MSI2: variants seen among roughly 807,000 people sequenced by gnomAD.
MSI2 encodes the protein musashi RNA binding protein 2.
MSI2 carries 17 observed loss-of-function variants against 45.6 expected under a neutral mutation model. That is an observed-to-expected ratio of 0.37 (90% confidence interval 0.26 to 0.56). The LOEUF is 0.56. MSI2 is among the 20% of genes least tolerant of loss of function. The pLI is 0.77. For synonymous variants in MSI2, 156 were observed against 158.2 expected, an observed-to-expected ratio of 0.99 and a Z score of 0.11; for missense variants, 293 against 444.2, an observed-to-expected ratio of 0.66 and a Z score of 3.06.
rs971927189 is a variant in MSI2, at chr17:57,679,911, T to C, written c.*394T>C. ...TTAATATCTAGTTCAAAGCTAACCA[T>C]AGTATAATTGTTATATTAAGGAGTT... On this transcript the variant is annotated 3_prime_UTR_variant, in exon 14 of 14. Coordinates refer to ENST00000284073, the MANE Select transcript of MSI2 (RefSeq NM_138962.4). 1.7e-5 allele frequency: 4 copies of C among 229,974 alleles called. No individual in the cohort carries two copies. The highest frequency in any genetic ancestry group is 3.4e-5 in the Non-Finnish European group (4 of 116,132). The allele number at this position is 229,974 out of a possible 1,614,324, so 14.2% of individuals were successfully genotyped here.
intron 5 of MSI2, among the ~76,000 whole-genome samples, chr17:57,287,400 A>G (rs1279874254): frequency 6.6e-6 from 1 of 152,084 alleles, no homozygotes; most frequent in Non-Finnish European, 1.5e-5. Flanking sequence ...GCCTCAAGGA[A>G]GGGGTCCTGT....
chr17:57,476,167 T>C (rs1001381040), intron 6 of MSI2, among the ~76,000 whole-genome samples: 4 of 152,224 alleles, frequency 2.6e-5, no homozygotes, highest in African/African-American at 9.7e-5. Flanking sequence ...ACTCACAACA[T>C]ATAGGGCTAT....
chr17:57,439,453 G>A (rs12947910), intron 6 of MSI2, among the ~76,000 whole-genome samples: 31,981 of 152,144 alleles, frequency 0.21, 3,801 homozygotes, highest in South Asian at 0.3. Flanking sequence ...GTCAACCCAA[G>A]CCTTCATCAA....
chr17:57,516,743 C>T (rs907913133), intron 6 of MSI2, among the ~76,000 whole-genome samples: 39 of 152,200 alleles, frequency 2.6e-4, no homozygotes, highest in African/African-American at 9.2e-4. Flanking sequence ...TCACGTGTTC[C>T]TTTTACACAC....
chr17:57,638,746 T>A (rs1598481555), intron 10 of MSI2, among the ~76,000 whole-genome samples: 1 of 116,676 alleles, frequency 8.6e-6, no homozygotes, highest in East Asian at 2.0e-4. Flanking sequence ...AAAAAATATT[T>A]AAAAAATTAG....
At chr17:57,481,471 G>T (rs1257599706) in intron 6 of MSI2, among the ~76,000 whole-genome samples, 1 of 152,156 alleles carries the variant, frequency 6.6e-6, no homozygotes, top group Non-Finnish European at 1.5e-5. Flanking sequence ...TACCACAATT[G>T]TCACTGAAAC....
intron 6 of MSI2, among the ~76,000 whole-genome samples, chr17:57,512,977 T>TTTTC (rs1555616462): frequency 6.1e-4 from 88 of 144,508 alleles, no homozygotes; most frequent in African/African-American, 2.1e-3. Flanking sequence ...CCTTTTTTTT[T>TTTTC]TTTTTTTTCC....
chr17:57,502,636 T>TATATAG lies in MSI2; in HGVS notation c.406-27039_406-27038insTATAGA. Among the ~76,000 whole-genome samples, 492 of 96,630 alleles carry TATATAG rather than the reference T, an allele frequency of 5.1e-3. 17 individuals are homozygous for TATATAG. Among genetic ancestry groups the TATATAG allele is most frequent in the Non-Finnish European group, 6.4e-3 (295 of 46,346 alleles). 63.4% of individuals were successfully genotyped at this position (96,630 alleles called of 152,430 possible). A position where few individuals can be genotyped will look rare whatever the true frequency, so the allele number is the denominator to read the frequency against. Reference sequence around the variant, plus strand: ...ATATATATATATATATATATATATATAGTCATCATTCTGTCATGCAGGAAG... The same window carrying TATATAG: ...ATATATATATATATATATATATATATATATAGAGTCATCATTCTGTCATGCAGGAAG... On this transcript the variant is annotated intron_variant, in intron 6 of 13. Coordinates refer to ENST00000284073, the MANE Select transcript of MSI2 (RefSeq NM_138962.4).
intron 6 of MSI2, among the ~76,000 whole-genome samples, chr17:57,492,197 C>G (rs1430463171): frequency 6.6e-6 from 1 of 152,196 alleles, no homozygotes; most frequent in African/African-American, 2.4e-5. Flanking sequence ...TTGTCAGGGG[C>G]TCAGTAATCG....
chr17:57,527,468 G>A (rs939474556), intron 6 of MSI2, among the ~76,000 whole-genome samples: 10 of 144,664 alleles, frequency 6.9e-5, no homozygotes, highest in Non-Finnish European at 1.4e-4. Flanking sequence ...TACCGTCGGC[G>A]GGGGCTCTTG....
rs1051206278 is a variant in MSI2, at chr17:57,683,218, T to A, written c.*3701T>A. 2.6e-5 allele frequency: 6 copies of A among 229,716 alleles called. No homozygotes were observed. The highest frequency in any genetic ancestry group is 1.3e-4 in the African/African-American group (6 of 45,158). The allele number at this position is 229,716 out of a possible 1,614,324, so 14.2% of individuals were successfully genotyped here. ...TCACAGCCAGTGAATGTTACACACA[T>A]CTTGCTAGACTAGTATAAAAATCAT... On this transcript the variant is annotated 3_prime_UTR_variant, in exon 14 of 14. Transcript: ENST00000284073. The surrounding 1 kb of genome is among the most constrained non-coding windows in gnomAD (Gnocchi z 5.2).
intron 8 of MSI2, among the ~76,000 whole-genome samples, chr17:57,607,017 G>A (rs533099622): frequency 3.9e-5 from 6 of 152,226 alleles, no homozygotes; most frequent in African/African-American, 1.4e-4. Flanking sequence ...TAGAACTTCT[G>A]TGTCCTTTTC....
chr17:57,291,089 C>T (rs1468088096), intron 5 of MSI2, among the ~76,000 whole-genome samples: 1 of 152,176 alleles, frequency 6.6e-6, no homozygotes, highest in African/African-American at 2.4e-5. Context: ...TTTTTCAGCT[C>T]AGCCAGCATC....
chr17:57,652,174 A>T lies in MSI2; in HGVS notation c.790+13A>T, dbSNP rs752608278. On this transcript the variant is annotated intron_variant, in intron 11 of 13. Coordinates refer to ENST00000284073, the MANE Select transcript of MSI2 (RefSeq NM_138962.4). This position sits in a 1 kb window ranked among gnomAD's most constrained non-coding sequence, Gnocchi z 4.1. ...GCAAGAGGATCAGGTAGGAAGGTGTATGGGACAGGCGACTCCCAGGCATGC... is the reference window on the plus strand; with the variant it reads ...GCAAGAGGATCAGGTAGGAAGGTGTTTGGGACAGGCGACTCCCAGGCATGC... The T allele has an allele frequency of 4.3e-6, 7 of 1,613,526 alleles. No individual in the cohort carries two copies. The highest frequency in any genetic ancestry group is 5.9e-6 in the Non-Finnish European group (7 of 1,179,618).
intron 6 of MSI2, among the ~76,000 whole-genome samples, chr17:57,435,235 T>A (rs1171591782): frequency 6.6e-6 from 1 of 152,118 alleles, no homozygotes. Context: ...AGGCCAGCTG[T>A]GTGCAGATAT....
chr17:57,472,851 A>G (rs949430460), intron 6 of MSI2, among the ~76,000 whole-genome samples: 2 of 150,526 alleles, frequency 1.3e-5, no homozygotes, highest in African/African-American at 2.4e-5. Flanking sequence ...CACAGGGCAC[A>G]CTATCCATCA....
intron 6 of MSI2, among the ~76,000 whole-genome samples, chr17:57,521,677 C>T (rs200441609): frequency 6.6e-5 from 10 of 152,268 alleles, no homozygotes; most frequent in East Asian, 1.9e-4. Flanking sequence ...TGCTGTGTTA[C>T]GGCTCAACTC....
intron 8 of MSI2, among the ~76,000 whole-genome samples, chr17:57,607,252 A>G (rs1598444847): frequency 6.6e-6 from 1 of 152,244 alleles, no homozygotes. Context: ...CTTCCTCCCC[A>G]GAGTAACCCT....
rs1465002847 is a variant in MSI2 at position 57,615,902 on chromosome 17, C to G, written c.538-68C>G. On this transcript the variant is annotated intron_variant, in intron 8 of 13. Transcript: ENST00000284073. ...AAAAATAACTTAGCTCATAACCAGACAGGTTCTGCATTTGACATTTACGTG... is the reference window on the plus strand; with the variant it reads ...AAAAATAACTTAGCTCATAACCAGAGAGGTTCTGCATTTGACATTTACGTG... 8 of 1,226,462 alleles carry G rather than the reference C, an allele frequency of 6.5e-6. No individual in the cohort carries two copies. The Admixed American group carries it at 1.0e-4, about 16-fold the overall frequency. 76.0% of individuals were successfully genotyped at this position (1,226,462 alleles called of 1,614,324 possible).
Sources: allele counts gnomAD v4.1 joint callset (sites outside exome capture counted in the v4.1 genomes callset), GRCh38; gene constraint gnomAD v4.1.1; non-coding constraint Gnocchi (gnomAD v3.1); transcripts MANE v1.5; gene names NCBI Gene and HGNC (gene_info 2026-07-23, HGNC 2026-07-21).